Variants in ROCK2 observed in about 807,000 individuals in gnomAD.
ROCK2 encodes the protein Rho associated coiled-coil containing protein kinase 2.
ROCK2 carries 61 observed loss-of-function variants against 195.1 expected under a neutral mutation model. The ratio of observed to expected loss-of-function variants is 0.31; its 90% CI spans 0.25 to 0.39. ROCK2 has a LOEUF of 0.39. ROCK2 is among the 10% of genes least tolerant of loss of function. The pLI, the probability that ROCK2 is intolerant of heterozygous loss-of-function variation, is 1.00. For missense variants in ROCK2, 1,109 were observed against 1,637.4 expected (o/e 0.68, Z 5.57); for synonymous variants, 504 against 545.5 (o/e 0.92, Z 1.06).
chr2:11,231,247 A>G (rs1211417553), intron 5 of ROCK2, among the ~76,000 whole-genome samples: 1 of 150,522 alleles, frequency 6.6e-6, no homozygotes, highest in Non-Finnish European at 1.5e-5. Context: ...TTTGTCACCC[A>G]GGCTGGAGCA....
intron 3 of ROCK2, 35 bp from the exon 4 acceptor site, chr2:11,249,833 T>A: frequency 7.0e-7 from 1 of 1,424,560 alleles, no homozygotes; most frequent in Non-Finnish European, 9.2e-7. Flanking sequence ...ATTAATACTT[T>A]CATGTTATGA....
intron 3 of ROCK2, among the ~76,000 whole-genome samples, chr2:11,276,921 G>A (rs1334061536): frequency 6.6e-6 from 1 of 152,074 alleles, no homozygotes; most frequent in Non-Finnish European, 1.5e-5. Flanking sequence ...TGATTTGAAA[G>A]GGGACTTGGA....
chr2:11,315,441 T>G (rs564020154), intron 1 of ROCK2, among the ~76,000 whole-genome samples: 1 of 152,040 alleles, frequency 6.6e-6, no homozygotes, highest in Non-Finnish European at 1.5e-5. Context: ...GTTTAAAATT[T>G]TTTTAATTAA....
chr2:11,220,821 G>A (rs1664613681), intron 9 of ROCK2, among the ~76,000 whole-genome samples: 1 of 152,120 alleles, frequency 6.6e-6, no homozygotes, highest in African/African-American at 2.4e-5. Context: ...ACCCCAAAGA[G>A]ATGACTTCTA....
At chr2:11,279,233 C>T (rs528961584) in intron 3 of ROCK2, among the ~76,000 whole-genome samples, 6 of 152,084 alleles carry the variant, frequency 3.9e-5, no homozygotes, top group Non-Finnish European at 7.4e-5. Flanking sequence ...AATTTAAAAA[C>T]AGAGATTGAG....
At position 11,292,574 on chromosome 2, in the gene ROCK2, A is replaced by C. The variant is rs527368787; in HGVS notation, c.142-4838T>G. On this transcript the variant is annotated intron_variant, in intron 1 of 32. Transcript: ENST00000315872. ...TTAGTAAAATTATTCCTCTAAAAGA[A>C]TACTAAATAACAAACAAGTTTTAAA... Among the ~76,000 whole-genome samples, 8 of 152,342 alleles carry C rather than the reference A, an allele frequency of 5.3e-5. No homozygotes were observed. The East Asian group carries it at 1.4e-3, about 26-fold the overall frequency.
At chr2:11,238,209 A>AGTGTGTGT (rs6146630) in intron 4 of ROCK2, among the ~76,000 whole-genome samples, 1,866 of 135,316 alleles carry the variant, frequency 0.014, 29 homozygotes, top group East Asian at 0.052. Flanking sequence ...ATTGAGAAAG[A>AGTGTGTGT]GTGTGTGTGT....
chr2:11,341,178 T>C (rs1669095487), intron 1 of ROCK2, among the ~76,000 whole-genome samples: 1 of 152,158 alleles, frequency 6.6e-6, no homozygotes, highest in Non-Finnish European at 1.5e-5. Flanking sequence ...CTCAGATTAA[T>C]TTAAGGACCC....
chr2:11,344,199 G>C lies in ROCK2; in HGVS notation c.-63C>G. On this transcript the variant is annotated 5_prime_UTR_variant, in exon 1 of 33. Coordinates refer to ENST00000315872, the MANE Select transcript of ROCK2 (RefSeq NM_004850.5). This position sits in a 1 kb window ranked among gnomAD's most constrained non-coding sequence, Gnocchi z 5.4. ...TCAGGTCCCGCAGCCTCGGGGCCTAGCACCGCCCCCGAACCACCAGCTCCG... is the reference window on the plus strand; with the variant it reads ...TCAGGTCCCGCAGCCTCGGGGCCTACCACCGCCCCCGAACCACCAGCTCCG... 1 of 1,353,528 alleles carries C rather than the reference G, an allele frequency of 7.4e-7. No homozygotes were observed. Among genetic ancestry groups the C allele is most frequent in the Non-Finnish European group, 9.5e-7 (1 of 1,056,876 alleles). 83.8% of individuals were successfully genotyped at this position (1,353,528 alleles called of 1,614,324 possible). A position where few individuals can be genotyped will look rare whatever the true frequency, so the allele number is the denominator to read the frequency against.
At chr2:11,257,045 T>C (rs972118838) in intron 3 of ROCK2, among the ~76,000 whole-genome samples, 3 of 151,458 alleles carry the variant, frequency 2.0e-5, no homozygotes, top group African/African-American at 4.9e-5. Context: ...AAAGAAAATA[T>C]AGCCCAAAAT....
chr2:11,344,900 G>T (rs1242892101), upstream of ROCK2, among the ~76,000 whole-genome samples: 1 of 149,898 alleles, frequency 6.7e-6, no homozygotes, highest in Non-Finnish European at 1.5e-5. The surrounding 1 kb of genome is among the most constrained non-coding windows in gnomAD (Gnocchi z 5.4). Context: ...GAGGGGAGAC[G>T]CACCCAGGCC....
At chr2:11,275,257 C>G in intron 3 of ROCK2, among the ~76,000 whole-genome samples, 1 of 110,630 alleles carries the variant, frequency 9.0e-6, no homozygotes, top group East Asian at 2.2e-4. Context: ...GACTTCATGT[C>G]AAAAAAAAAA....
chr2:11,289,349 C>T (rs902098644), intron 1 of ROCK2, among the ~76,000 whole-genome samples: 1 of 151,958 alleles, frequency 6.6e-6, no homozygotes, highest in Non-Finnish European at 1.5e-5. Context: ...TTTTTAAGTA[C>T]CAAATCAATG....
chr2:11,320,486 T>C (rs919033573), intron 1 of ROCK2, among the ~76,000 whole-genome samples: 12 of 149,736 alleles, frequency 8.0e-5, no homozygotes, highest in African/African-American at 2.7e-4. Context: ...ATAATAAGGA[T>C]AGCAACAGCA....
chr2:11,337,491 A>G (rs1018072316), intron 1 of ROCK2, among the ~76,000 whole-genome samples: 1 of 152,222 alleles, frequency 6.6e-6, no homozygotes, highest in Non-Finnish European at 1.5e-5. Flanking sequence ...TACATCATTC[A>G]TCATGAGGGA....
At chr2:11,226,029 T>TAC (rs1664801009) in intron 6 of ROCK2, among the ~76,000 whole-genome samples, 1 of 152,226 alleles carries the variant, frequency 6.6e-6, no homozygotes, top group South Asian at 2.1e-4. Flanking sequence ...TCTTTTATCA[T>TAC]ACAGGTTTTA....
intron 1 of ROCK2, among the ~76,000 whole-genome samples, chr2:11,317,940 T>A (rs1266621722): frequency 6.6e-6 from 1 of 152,052 alleles, no homozygotes; most frequent in South Asian, 2.1e-4. Context: ...GCAAAGGACA[T>A]GAACTCATCC....
At chr2:11,236,074 A>C (rs1279202562) in intron 4 of ROCK2, 112 bp from the exon 5 acceptor site, 1 of 965,300 alleles carries the variant, frequency 1.0e-6, no homozygotes, top group Non-Finnish European at 1.4e-6. Flanking sequence ...ACTATTTTAT[A>C]ACCAAAACTA....
chr2:11,299,970 GCCCT>G (rs1437615400), intron 1 of ROCK2, among the ~76,000 whole-genome samples: 1 of 152,042 alleles, frequency 6.6e-6, no homozygotes, highest in Non-Finnish European at 1.5e-5. Context: ...CACTCTATGT[GCCCT>G]CCCCTATAAA....
Sources: gnomAD v4.1 joint callset for allele counts (sites outside exome capture counted in the v4.1 genomes callset) on GRCh38, gnomAD v4.1.1 for gene constraint, Gnocchi (gnomAD v3.1) non-coding constraint, MANE v1.5 for transcripts, NCBI Gene and HGNC (gene_info 2026-07-23, HGNC 2026-07-21) for gene names.